The following ZNF655 variants were observed in gnomAD, a reference collection of about 807,000 sequenced individuals.
ZNF655 encodes the protein zinc finger protein 655.
In ZNF655, 3 loss-of-function variants were observed where a neutral mutation model predicts 6.6. That is an observed-to-expected ratio of 0.46 (90% CI 0.21 to 1.18). ZNF655 has a LOEUF of 1.18. Ranked by LOEUF, ZNF655 falls within the 50% of genes most tolerant of loss-of-function variation. The pLI is 0.24. For missense variants in ZNF655, 526 were observed against 572.3 expected (o/e 0.92, Z 0.83); for synonymous variants, 178 against 195.0 (o/e 0.91, Z 0.73).
intron 2 of ZNF655, among the ~76,000 whole-genome samples, chr7:99,561,205 G>A (rs1398022688): frequency 6.6e-6 from 1 of 152,226 alleles, no homozygotes; most frequent in Non-Finnish European, 1.5e-5. Flanking sequence ...CTGTATGAAT[G>A]TATATATACT....
intron 2 of ZNF655, among the ~76,000 whole-genome samples, chr7:99,568,472 G>A (rs866194857): frequency 1.3e-5 from 2 of 151,864 alleles, no homozygotes; most frequent in African/African-American, 4.8e-5. Context: ...GGATGGTCTC[G>A]ATCTCCTGAC....
Position 99,575,365 on chromosome 7 carries a change from C to A in ZNF655, c.*1781C>A, listed in dbSNP as rs1333134967. On this transcript the variant is annotated 3_prime_UTR_variant, in exon 3 of 3. Transcript: ENST00000252713. Reference sequence around the variant, plus strand: ...CATCCTGGCCAACATGGTGAAACCCCGTCTCTACTAAAAATACAAAAGTTA... The same window carrying A: ...CATCCTGGCCAACATGGTGAAACCCAGTCTCTACTAAAAATACAAAAGTTA... 6.6e-6 allele frequency: 1 copy of A among 152,096 alleles called. No individual in the cohort carries two copies. Among genetic ancestry groups the A allele is most frequent in the African/African-American group, 2.4e-5 (1 of 41,362 alleles). The allele number at this position is 152,096 out of a possible 1,614,324, so 9.4% of individuals were successfully genotyped here.
At chr7:99,566,039 GTGTA>G (rs1803603258) in intron 2 of ZNF655, among the ~76,000 whole-genome samples, 2 of 151,406 alleles carry the variant, frequency 1.3e-5, no homozygotes, top group South Asian at 4.2e-4. Flanking sequence ...GTGTGTGTGT[GTGTA>G]TATATATATA....
chr7:99,560,579 A>G lies in ZNF655; in HGVS notation c.20A>G (p.Gln7Arg). ...GCAGTGATGGAGGAAATACCAGCCC[A>G]GGAAGCAGCAGGGTCACCAAGGGTC... MEEIPA[Q>R]EAAGSPRVQF... The change falls in exon 2 of 3, where the codon CAG becomes CGG. Residue 7 changes from glutamine (Q) to arginine (R), a missense_variant. Transcript: ENST00000252713. The G allele has an allele frequency of 1.2e-6, 2 of 1,614,196 alleles. No homozygotes were observed. The highest frequency in any genetic ancestry group is 2.2e-5 in the South Asian group (2 of 91,084).
intron 2 of ZNF655, among the ~76,000 whole-genome samples, chr7:99,562,756 G>C (rs1394016873): frequency 6.6e-6 from 1 of 152,042 alleles, no homozygotes; most frequent in Non-Finnish European, 1.5e-5. Flanking sequence ...TTTTAGCAAA[G>C]GGAAACTTTC....
intron 2 of ZNF655, among the ~76,000 whole-genome samples, chr7:99,566,041 G>GTGTGTGTGTA (rs59166250): frequency 0.011 from 1,584 of 149,954 alleles, 23 homozygotes; most frequent in African/African-American, 0.036. Context: ...GTGTGTGTGT[G>GTGTGTGTGTA]TATATATATA....
chr7:99,559,480 T>C (rs1366362993), intron 1 of ZNF655, among the ~76,000 whole-genome samples: 1 of 152,090 alleles, frequency 6.6e-6, no homozygotes, highest in Non-Finnish European at 1.5e-5. Context: ...GGAGGATCGC[T>C]TGAGGCCAGG....
intron 2 of ZNF655, 136 bp from the exon 3 acceptor site, chr7:99,572,109 G>A (rs1401959808): frequency 1.1e-6 from 1 of 914,364 alleles, no homozygotes; most frequent in Non-Finnish European, 1.6e-6. Context: ...TTGAGATTTT[G>A]TGCCTGTTTT....
chr7:99,559,817 G>A (rs1802955959), intron 1 of ZNF655, among the ~76,000 whole-genome samples: 1 of 143,034 alleles, frequency 7.0e-6, no homozygotes, highest in Non-Finnish European at 1.5e-5. Context: ...TTGTAGGGAC[G>A]GGGTTTCACC....
rs745485992 is a variant in ZNF655, at chr7:99,573,040, T to C, written c.932T>C (p.Val311Ala). 1 of 1,613,548 alleles carries C rather than the reference T, an allele frequency of 6.2e-7. No individual in the cohort carries two copies. Among genetic ancestry groups the C allele is most frequent in the South Asian group, 1.1e-5 (1 of 91,048 alleles). ...KSYKCSSCER[V>A]FSRSVHLTQH... ...TACAAATGTAGCAGTTGTGAAAGAG[T>C]CTTCAGTCGTAGTGTCCACCTTACT... The change falls in exon 3 of 3, where the codon GTC becomes GCC. Residue 311 changes from valine (V) to alanine (A), a missense_variant. Coordinates refer to ENST00000252713, the MANE Select transcript of ZNF655 (RefSeq NM_138494.3).
chr7:99,559,141 A>T (rs941806992), intron 1 of ZNF655: 4 of 150,692 alleles, frequency 2.7e-5, no homozygotes, highest in African/African-American at 1.0e-4. Flanking sequence ...GCCCAGGGCG[A>T]GGGTGGTGGG....
At chr7:99,571,763 C>G in intron 2 of ZNF655, 2 of 1,608,564 alleles carry the variant, frequency 1.2e-6, no homozygotes, top group Non-Finnish European at 1.7e-6. Context: ...GAAACTAAGA[C>G]TAGAGAAGTC....
At position 99,564,405 on chromosome 7, in the gene ZNF655, T is replaced by TA. The variant is rs955239436; in HGVS notation, c.136+3710_136+3711insA. 22 of 1,035,362 alleles carry TA rather than the reference T, an allele frequency of 2.1e-5. No homozygotes were observed. The African/African-American group carries it at 3.8e-4, about 18-fold the overall frequency. 64.1% of individuals were successfully genotyped at this position (1,035,362 alleles called of 1,614,324 possible). A position where few individuals can be genotyped will look rare whatever the true frequency, so the allele number is the denominator to read the frequency against. On this transcript the variant is annotated intron_variant, in intron 2 of 2. Transcript: ENST00000252713. ...TCCTGTGAACCCTGGGCTTCCCTCA[T>TA]GTTTAACATTCTGGTTTCCTCCTTC...
chr7:99,569,542 C>A (rs980097002), intron 2 of ZNF655, among the ~76,000 whole-genome samples: 1 of 152,030 alleles, frequency 6.6e-6, no homozygotes, highest in Non-Finnish European at 1.5e-5. Context: ...TAAGCATTAC[C>A]AGTTATTGTA....
At chr7:99,571,421 AACCCATGC>A in intron 2 of ZNF655, 1 of 1,236,816 alleles carries the variant, frequency 8.1e-7, no homozygotes, top group South Asian at 1.5e-5. Context: ...TGTGAAGACA[AACCCATGC>A]ACACATTCTG....
chr7:99,572,655 G>C lies in ZNF655; in HGVS notation c.547G>C (p.Asp183His), dbSNP rs774684468. The change falls in exon 3 of 3, where the codon GAT becomes CAT. Residue 183 changes from aspartate to histidine, a missense_variant. By Grantham distance (81) the Asp-to-His change is moderately conservative. Transcript: ENST00000252713. ...ACATGAACACTTAAATCTAACAGAGGATTTTCAGAGTAGTGAATGTAAGGA... is the reference window on the plus strand; with the variant it reads ...ACATGAACACTTAAATCTAACAGAGCATTTTCAGAGTAGTGAATGTAAGGA... ...GKHEHLNLTE[D>H]FQSSECKESL... 1 of 1,613,588 alleles carries C rather than the reference G, an allele frequency of 6.2e-7. No homozygotes were observed. The highest frequency in any genetic ancestry group is 8.5e-7 in the Non-Finnish European group (1 of 1,179,912).
intron 2 of ZNF655, among the ~76,000 whole-genome samples, chr7:99,567,629 G>A (rs1184276291): frequency 6.6e-6 from 1 of 152,026 alleles, no homozygotes; most frequent in Admixed American, 6.6e-5. Flanking sequence ...ATATAAACTG[G>A]GATCAAGCTT....
At chr7:99,562,104 C>A in intron 2 of ZNF655, 1 of 852,146 alleles carries the variant, frequency 1.2e-6, no homozygotes. Context: ...GGAATTGATC[C>A]TCTTCGGAGA....
intron 2 of ZNF655, chr7:99,571,512 A>G: frequency 8.8e-7 from 1 of 1,132,340 alleles, no homozygotes; most frequent in Non-Finnish European, 1.2e-6. Flanking sequence ...ACATCCCTCT[A>G]GAGCACAAAT....
Sources: allele counts gnomAD v4.1 joint callset (sites outside exome capture counted in the v4.1 genomes callset), GRCh38; gene constraint gnomAD v4.1.1; transcripts MANE v1.5; gene names NCBI Gene and HGNC (gene_info 2026-07-23, HGNC 2026-07-21).